MDGA2: variants seen among roughly 807,000 people sequenced by gnomAD.
MDGA2 encodes MAM domain containing glycosylphosphatidylinositol anchor 2.
MDGA2 carries 40 observed loss-of-function variants against 117.8 expected under a neutral mutation model. The ratio of observed to expected loss-of-function variants is 0.34; its 90% CI spans 0.26 to 0.44. The LOEUF is 0.44. Ranked by LOEUF, MDGA2 falls within the 20% of genes least tolerant of loss-of-function variation. The pLI, the probability that MDGA2 is intolerant of heterozygous loss-of-function variation, is 1.00. For synonymous variants in MDGA2, 452 were observed against 439.0 expected (o/e 1.03, Z -0.37); for missense variants, 1,123 against 1,250.6 (o/e 0.90, Z 1.54).
intron 3 of MDGA2, among the ~76,000 whole-genome samples, chr14:47,152,657 C>T (rs1236105200): frequency 6.6e-6 from 1 of 151,056 alleles, no homozygotes; most frequent in African/African-American, 2.4e-5. Context: ...TACAAGTAGC[C>T]TACAGTTCAT....
In MDGA2 at chr14:47,641,722, C is replaced by T. The variant is rs1456730624; in HGVS notation, c.280+32795G>A. Among the ~76,000 whole-genome samples, 3 of 152,228 alleles carry T rather than the reference C, an allele frequency of 2.0e-5. No individual in the cohort carries two copies. The East Asian group carries it at 5.8e-4, about 29-fold the overall frequency. ...TTTAGGTTGAACATTTGTGATAACA[C>T]AATTTGATATTAAATAATTAGAAAG... On this transcript the variant is annotated intron_variant, in intron 1 of 16. Coordinates refer to ENST00000399232, the MANE Select transcript of MDGA2 (RefSeq NM_001113498.3).
intron 1 of MDGA2, among the ~76,000 whole-genome samples, chr14:47,494,241 G>A (rs531911134): frequency 6.6e-6 from 1 of 152,306 alleles, no homozygotes; most frequent in East Asian, 1.9e-4. Flanking sequence ...ATAGCAGCAT[G>A]AGATCAGACT....
At chr14:47,540,926 G>A (rs1311549733) in intron 1 of MDGA2, among the ~76,000 whole-genome samples, 1 of 152,034 alleles carries the variant, frequency 6.6e-6, no homozygotes, top group Non-Finnish European at 1.5e-5. Flanking sequence ...CAATCACCAT[G>A]AAGGAATTTT....
At chr14:47,133,378 A>C (rs1882303449) in intron 4 of MDGA2, among the ~76,000 whole-genome samples, 1 of 151,938 alleles carries the variant, frequency 6.6e-6, no homozygotes, top group African/African-American at 2.4e-5. Flanking sequence ...ATAATTTTTA[A>C]ATAAAGTGAT....
chr14:46,935,000 CACTTCA>C (rs1345313924), intron 9 of MDGA2, among the ~76,000 whole-genome samples: 1 of 151,706 alleles, frequency 6.6e-6, no homozygotes, highest in Admixed American at 6.6e-5. Context: ...AGAGTTATGC[CACTTCA>C]TCTCCAGGTG....
intron 3 of MDGA2, among the ~76,000 whole-genome samples, chr14:47,190,062 C>T (rs1325730261): frequency 6.6e-6 from 1 of 152,172 alleles, no homozygotes; most frequent in Non-Finnish European, 1.5e-5. Context: ...TGCTCAGGTT[C>T]CTGGCTATTT....
intron 7 of MDGA2, among the ~76,000 whole-genome samples, chr14:47,046,154 A>G (rs945976434): frequency 6.9e-6 from 1 of 143,910 alleles, no homozygotes; most frequent in South Asian, 2.2e-4. Flanking sequence ...AAAGTATGAT[A>G]ATAATAATAA....
intron 6 of MDGA2, among the ~76,000 whole-genome samples, chr14:47,087,418 G>GAGGC (rs1484830183): frequency 7.4e-6 from 1 of 135,522 alleles, no homozygotes; most frequent in Admixed American, 8.0e-5. Flanking sequence ...TCTGAAGGTT[G>GAGGC]AGGCATGAGA....
intron 8 of MDGA2, among the ~76,000 whole-genome samples, chr14:47,021,710 T>C (rs1401717762): frequency 6.6e-6 from 1 of 152,160 alleles, no homozygotes; most frequent in Non-Finnish European, 1.5e-5. Context: ...CAGAAAATTT[T>C]GTTGGTAATA....
intron 3 of MDGA2, among the ~76,000 whole-genome samples, chr14:47,199,666 G>A (rs1031896815): frequency 6.6e-6 from 1 of 151,924 alleles, no homozygotes; most frequent in Non-Finnish European, 1.5e-5. Context: ...TACATTATGT[G>A]GAATAAATAT....
At chr14:47,112,243 G>C (rs535899339) in intron 5 of MDGA2, among the ~76,000 whole-genome samples, 1 of 152,154 alleles carries the variant, frequency 6.6e-6, no homozygotes, top group Non-Finnish European at 1.5e-5. Flanking sequence ...TTTAAAAAAT[G>C]TGTTATTTTA....
At chr14:47,279,037 G>C (rs749236593) in intron 2 of MDGA2, among the ~76,000 whole-genome samples, 1 of 152,152 alleles carries the variant, frequency 6.6e-6, no homozygotes, top group African/African-American at 2.4e-5. Context: ...TAGGTTGCTA[G>C]TATATAATGT....
chr14:47,231,384 C>A (rs896507911), intron 2 of MDGA2, among the ~76,000 whole-genome samples: 1 of 152,024 alleles, frequency 6.6e-6, no homozygotes, highest in Non-Finnish European at 1.5e-5. Context: ...AGTACATGAA[C>A]AAGCTAGGAT....
Position 47,542,779 on chromosome 14 carries a change from C to G in MDGA2, c.280+131738G>C, listed in dbSNP as rs564038089. Among the ~76,000 whole-genome samples, 10 of 152,218 alleles carry G rather than the reference C, an allele frequency of 6.6e-5. No individual in the cohort carries two copies. In the South Asian group the frequency reaches 2.1e-3, roughly 32 times the overall value. ...ATTCTAAGGTGCTATTATAAAAATG[C>G]TACTTTATATACATTTTAGTATTGT... On this transcript the variant is annotated intron_variant, in intron 1 of 16. Coordinates refer to ENST00000399232, the MANE Select transcript of MDGA2 (RefSeq NM_001113498.3).
intron 10 of MDGA2, among the ~76,000 whole-genome samples, chr14:46,891,319 A>C (rs181530634): frequency 1.7e-4 from 26 of 151,856 alleles, no homozygotes; most frequent in Non-Finnish European, 3.8e-4. Flanking sequence ...TCTAGAAAAA[A>C]TAAAATGATA....
chr14:47,373,150 A>T (rs886462159), intron 1 of MDGA2, among the ~76,000 whole-genome samples: 1 of 152,038 alleles, frequency 6.6e-6, no homozygotes, highest in African/African-American at 2.4e-5. Flanking sequence ...ATCTTTGATC[A>T]TTTGGAGAGT....
chr14:47,390,861 T>C (rs1300318238), intron 1 of MDGA2, among the ~76,000 whole-genome samples: 1 of 152,164 alleles, frequency 6.6e-6, no homozygotes, highest in African/African-American at 2.4e-5. Flanking sequence ...TTTCTCTAAA[T>C]GTTTCTTCTT....
chr14:46,881,749 A>G (rs1440969253), intron 11 of MDGA2, among the ~76,000 whole-genome samples: 1 of 152,132 alleles, frequency 6.6e-6, no homozygotes, highest in Non-Finnish European at 1.5e-5. Flanking sequence ...AAAAGATAAA[A>G]TGCAGACAAA....
intron 2 of MDGA2, among the ~76,000 whole-genome samples, chr14:47,273,108 T>C (rs1335042124): frequency 6.6e-6 from 1 of 152,130 alleles, no homozygotes; most frequent in African/African-American, 2.4e-5. Context: ...TTCTGACTTA[T>C]ATACTGGATT....
Sources: gnomAD v4.1 joint callset for allele counts (sites outside exome capture counted in the v4.1 genomes callset) on GRCh38, gnomAD v4.1.1 for gene constraint, MANE v1.5 for transcripts, NCBI Gene and HGNC (gene_info 2026-07-23, HGNC 2026-07-21) for gene names.